The following ABCD3 variants were observed in gnomAD, a reference collection of about 807,000 sequenced individuals.
ABCD3 encodes ATP-binding cassette sub-family D member 3.
Under a neutral mutation model 105.5 loss-of-function variants are expected in ABCD3, and 41 were observed. The observed-to-expected ratio is 0.39, with a 90% CI of 0.30 to 0.50. The LOEUF (loss-of-function observed/expected upper bound fraction) is 0.50. ABCD3 is among the 20% of genes least tolerant of loss of function. The pLI, the probability that ABCD3 is intolerant of heterozygous loss-of-function variation, is 0.84. For missense variants in ABCD3, 622 were observed against 806.3 expected (o/e 0.77, Z 2.77); for synonymous variants, 258 against 269.0 (o/e 0.96, Z 0.40).
chr1:94,430,221 G>A (rs1659620178), intron 1 of ABCD3, among the ~76,000 whole-genome samples: 1 of 152,214 alleles, frequency 6.6e-6, no homozygotes, highest in Admixed American at 6.5e-5. Flanking sequence ...TATCTAGGAA[G>A]TAACTAACTT....
intron 16 of ABCD3, among the ~76,000 whole-genome samples, chr1:94,495,797 TTTAA>T (rs1175189326): frequency 6.6e-6 from 1 of 152,200 alleles, no homozygotes; most frequent in African/African-American, 2.4e-5. Flanking sequence ...CAGGGAACCA[TTTAA>T]TTACCAGCTC....
chr1:94,517,038 C>T lies in ABCD3; in HGVS notation c.1903-14C>T, dbSNP rs1650951216. ...TCTTAGTTACTGACTTTTTTTCCCC[C>T]TTCTTTCCCATAGTACTACCTGCAT... is the stretch of plus-strand genomic sequence containing the variant. On this transcript the variant is annotated splice_polypyrimidine_tract_variant and intron_variant, in intron 22 of 22. Coordinates refer to ENST00000370214, the MANE Select transcript of ABCD3 (RefSeq NM_002858.4). The T allele has an allele frequency of 1.3e-6, 2 of 1,593,316 alleles. No homozygotes were observed. Among genetic ancestry groups the T allele is most frequent in the Non-Finnish European group, 1.7e-6 (2 of 1,161,880 alleles).
chr1:94,483,066 A>G lies in ABCD3; in HGVS notation c.828-104A>G, dbSNP rs1198086350. The G allele has an allele frequency of 1.3e-5, 10 of 785,182 alleles. No homozygotes were observed. In the Admixed American group the frequency reaches 2.1e-4, roughly 16 times the overall value. The allele number at this position is 785,182 out of a possible 1,614,324, so 48.6% of individuals were successfully genotyped here. On this transcript the variant is annotated intron_variant, in intron 9 of 22. Coordinates refer to ENST00000370214, the MANE Select transcript of ABCD3 (RefSeq NM_002858.4). ...CACCAGATAAGCTCTTAGTCACAAAATGTCCATTTAAATACAAACATTCAG... is the reference window on the plus strand; with the variant it reads ...CACCAGATAAGCTCTTAGTCACAAAGTGTCCATTTAAATACAAACATTCAG...
intron 16 of ABCD3, among the ~76,000 whole-genome samples, chr1:94,491,655 C>T (rs1649541192): frequency 6.6e-6 from 1 of 151,974 alleles, no homozygotes; most frequent in Non-Finnish European, 1.5e-5. Flanking sequence ...TGTTTTATTA[C>T]TGATGAAAAC....
intron 22 of ABCD3, 30 bp from the exon 23 acceptor site, chr1:94,517,022 C>T: frequency 6.8e-7 from 1 of 1,471,788 alleles, no homozygotes; most frequent in Admixed American, 1.7e-5. Flanking sequence ...CTCTTAGTTA[C>T]TGACTTTTTT....
chr1:94,394,743 G>A, the ABCD3 span, among the ~76,000 whole-genome samples: 4 of 152,314 alleles, frequency 2.6e-5, no homozygotes, highest in Non-Finnish European at 4.4e-5. Context: ...TCCTATCGAT[G>A]TTGTAACTTA....
intron 1 of ABCD3, among the ~76,000 whole-genome samples, chr1:94,448,040 A>C (rs541039683): frequency 1.1e-4 from 16 of 152,202 alleles, no homozygotes; most frequent in African/African-American, 3.9e-4. Flanking sequence ...TCAAATAAAT[A>C]GAATAGATCC....
At chr1:94,418,221 A>G (rs1279304315), upstream of ABCD3, among the ~76,000 whole-genome samples, 1 of 152,154 alleles carries the variant, frequency 6.6e-6, no homozygotes, top group Non-Finnish European at 1.5e-5. Context: ...GAGACCCTGA[A>G]GGAGTCCGCG....
rs116147928 is a variant in ABCD3 at position 94,419,199 on chromosome 1, C to T, written c.110+611C>T. On this transcript the variant is annotated intron_variant, in intron 1 of 22. Transcript: ENST00000370214. The stretch of plus-strand genomic sequence containing the variant: ...TGGTGAGCCCTTGGAGTCGGTGAAC[C>T]CTTTGGTCGGTGAACATTTGGTCGG... The T allele has an allele frequency of 3.7e-6, 3 of 815,014 alleles. No homozygotes were observed. In the African/African-American group the frequency reaches 5.6e-5, roughly 15 times the overall value. The allele number at this position is 815,014 out of a possible 1,614,324, so 50.5% of individuals were successfully genotyped here.
chr1:94,476,085 A>G (rs1648725680), intron 7 of ABCD3, among the ~76,000 whole-genome samples: 1 of 152,142 alleles, frequency 6.6e-6, no homozygotes, highest in African/African-American at 2.4e-5. Flanking sequence ...CTAACTCCAC[A>G]CTTATAACAC....
intron 1 of ABCD3, among the ~76,000 whole-genome samples, chr1:94,435,292 C>G (rs1258408663): frequency 2.6e-5 from 4 of 152,114 alleles, no homozygotes. Flanking sequence ...GTAATCCCAG[C>G]ACTTTGGGAG....
chr1:94,474,745 C>G (rs1173179685), intron 5 of ABCD3, among the ~76,000 whole-genome samples: 1 of 148,984 alleles, frequency 6.7e-6, no homozygotes, highest in Non-Finnish European at 1.5e-5. Context: ...TTAACAAATG[C>G]AAATATAGTG....
chr1:94,434,184 A>T (rs192082249), intron 1 of ABCD3, among the ~76,000 whole-genome samples: 1,880 of 152,028 alleles, frequency 0.012, 31 homozygotes, highest in African/African-American at 0.036. Flanking sequence ...TTTAAAAAAA[A>T]TTTTTTAGTT....
intron 20 of ABCD3, among the ~76,000 whole-genome samples, chr1:94,503,410 C>A (rs930110541): frequency 6.6e-6 from 1 of 152,158 alleles, no homozygotes; most frequent in Admixed American, 6.6e-5. Context: ...GAGGATATGT[C>A]ATCCTTCTTG....
At chr1:94,386,377 T>G in the ABCD3 span, among the ~76,000 whole-genome samples, 7 of 152,264 alleles carry the variant, frequency 4.6e-5, no homozygotes, top group Non-Finnish European at 1.0e-4. Flanking sequence ...ATTCTCACAC[T>G]TTTCAAAGCA....
At chr1:94,508,183 G>A (rs1209369446) in intron 21 of ABCD3, among the ~76,000 whole-genome samples, 1 of 152,162 alleles carries the variant, frequency 6.6e-6, no homozygotes, top group Non-Finnish European at 1.5e-5. Flanking sequence ...ATGTAAGGAA[G>A]GGATCCAGTT....
the ABCD3 span, among the ~76,000 whole-genome samples, chr1:94,398,114 A>T: frequency 6.6e-6 from 1 of 152,164 alleles, no homozygotes; most frequent in Non-Finnish European, 1.5e-5. Context: ...TTGGGTTATA[A>T]TCCAATACTA....
At chr1:94,409,105 G>C in the ABCD3 span, among the ~76,000 whole-genome samples, 26 of 152,084 alleles carry the variant, frequency 1.7e-4, no homozygotes, top group South Asian at 5.4e-3. Context: ...AGTAGGGAAG[G>C]TTAATGGGTA....
intron 16 of ABCD3, among the ~76,000 whole-genome samples, chr1:94,496,009 A>G (rs1162251057): frequency 6.6e-6 from 1 of 152,168 alleles, no homozygotes; most frequent in African/African-American, 2.4e-5. Context: ...TTTAACAATT[A>G]TGTGTGTAAA....
Sources: allele counts gnomAD v4.1 joint callset (sites outside exome capture counted in the v4.1 genomes callset), GRCh38; gene constraint gnomAD v4.1.1; transcripts MANE v1.5; gene names NCBI Gene and HGNC (gene_info 2026-07-23, HGNC 2026-07-21).